Variants in CLEC4E observed in about 807,000 individuals in gnomAD.
CLEC4E encodes the protein C-type (calcium dependent, carbohydrate-recognition domain) lectin, superfamily member 9.
In CLEC4E, 21 loss-of-function variants were observed where a neutral mutation model predicts 24.7. The ratio of observed to expected loss-of-function variants is 0.85; its 90% CI spans 0.60 to 1.22. CLEC4E has a LOEUF of 1.22. Ranked by LOEUF, CLEC4E falls within the 50% of genes most tolerant of loss-of-function variation. CLEC4E has a pLI of 0.00. For synonymous variants in CLEC4E, 94 were observed against 85.7 expected (o/e 1.10, Z -0.54); for missense variants, 249 against 254.1 (o/e 0.98, Z 0.14).
rs760679045 is a variant in CLEC4E, at chr12:8,537,252, A to C, written c.235T>G (p.Cys79Gly). 1.9e-6 allele frequency: 3 copies of C among 1,613,652 alleles called. No individual in the cohort carries two copies. Among genetic ancestry groups the C allele is most frequent in the Non-Finnish European group, 2.5e-6 (3 of 1,179,636 alleles). The change falls in exon 4 of 6, where the codon TGT becomes GGT. Residue 79 changes from cysteine (C) to glycine (G), a missense_variant. Transcript: ENST00000299663. ...YNYGSGSVKN[C>G]CPLNWEYFQS... is the part of the protein sequence containing the mutation. ...AAATATTCCCAGTTCAATGGACAACAATTCTTGACTGAACCTAGGATGAGA... is the reference window on the plus strand; with the variant it reads ...AAATATTCCCAGTTCAATGGACAACCATTCTTGACTGAACCTAGGATGAGA...
Position 8,537,130 on chromosome 12 carries a change from G to T in CLEC4E, c.357C>A (p.Asn119Lys), listed in dbSNP as rs767516007. 6.2e-7 allele frequency: 1 copy of T among 1,613,182 alleles called. No individual in the cohort carries two copies. ...CTCCAGCTACCTGCTCCTCCTGTGAGTTGATAACCACCAGGTGAGCCCCCA... is the reference window on the plus strand; with the variant it reads ...CTCCAGCTACCTGCTCCTCCTGTGATTTGATAACCACCAGGTGAGCCCCCA... ...SAMGAHLVVI[N>K]SQEEQEFLSY... Residue 119 changes from asparagine to lysine, a missense_variant, in exon 4 of 6, where the codon AAC (asparagine) becomes AAA (lysine). By Grantham distance (94) the Asn-to-Lys change is moderately conservative. Transcript: ENST00000299663.
Position 8,533,761 on chromosome 12 carries a change from G to A in CLEC4E, c.*877C>T, listed in dbSNP as rs933793369. On this transcript the variant is annotated 3_prime_UTR_variant, in exon 6 of 6. Coordinates refer to ENST00000299663, the MANE Select transcript of CLEC4E (RefSeq NM_014358.4). Reference sequence around the variant, plus strand: ...ATTAGGCACTGGGCTTAATACCTGGGTGATGAAATAATCTGTACAACAAAC... The same window carrying A: ...ATTAGGCACTGGGCTTAATACCTGGATGATGAAATAATCTGTACAACAAAC... 6 of 152,154 alleles carry A rather than the reference G, an allele frequency of 3.9e-5. No individual in the cohort carries two copies. The highest frequency in any genetic ancestry group is 5.9e-5 in the Non-Finnish European group (4 of 68,030). 9.4% of individuals were successfully genotyped at this position (152,154 alleles called of 1,614,324 possible).
chr12:8,538,439 G>A (rs1176418169), intron 3 of CLEC4E, among the ~76,000 whole-genome samples: 5 of 152,204 alleles, frequency 3.3e-5, no homozygotes, highest in African/African-American at 7.2e-5. Context: ...CCTGTCCAGT[G>A]GACACGTGAC....
At chr12:8,538,675 C>A (rs1442269528) in intron 3 of CLEC4E, among the ~76,000 whole-genome samples, 1 of 152,166 alleles carries the variant, frequency 6.6e-6, no homozygotes, top group Non-Finnish European at 1.5e-5. Context: ...GACCCACCAA[C>A]CCTGTGGGGC....
rs1591723561 is a variant in CLEC4E, at chr12:8,533,382, A to T, written c.*1256T>A. On this transcript the variant is annotated 3_prime_UTR_variant, in exon 6 of 6. Coordinates refer to ENST00000299663, the MANE Select transcript of CLEC4E (RefSeq NM_014358.4). The stretch of plus-strand genomic sequence containing the variant: ...TCAGAGAAATATAAATCTTTCTACC[A>T]TAAAGACACATGCACACGAATGTTC... 6.6e-6 allele frequency: 1 copy of T among 152,248 alleles called. No homozygotes were observed. Among genetic ancestry groups the T allele is most frequent in the African/African-American group, 2.4e-5 (1 of 41,454 alleles). 9.4% of individuals were successfully genotyped at this position (152,248 alleles called of 1,614,324 possible).
At chr12:8,538,064 C>T (rs1050616283) in intron 3 of CLEC4E, among the ~76,000 whole-genome samples, 1 of 152,202 alleles carries the variant, frequency 6.6e-6, no homozygotes, top group South Asian at 2.1e-4. Flanking sequence ...TGTGGTCTAG[C>T]GGTAGCGTTA....
chr12:8,537,741 C>T (rs1173302070), intron 3 of CLEC4E, among the ~76,000 whole-genome samples: 1 of 152,108 alleles, frequency 6.6e-6, no homozygotes, highest in Non-Finnish European at 1.5e-5. Flanking sequence ...ACGAGCTGTT[C>T]CAGTATAATA....
At position 8,540,043 on chromosome 12, in the gene CLEC4E, A is replaced by G. The variant is rs771347361; in HGVS notation, c.38-96T>C. 4.8e-6 allele frequency: 4 copies of G among 824,992 alleles called. No homozygotes were observed. The African/African-American group carries it at 5.0e-5, about 10-fold the overall frequency. 51.1% of individuals were successfully genotyped at this position (824,992 alleles called of 1,614,324 possible). On this transcript the variant is annotated intron_variant, in intron 1 of 5. Transcript: ENST00000299663. ...TATTCATCCTTACTTATTTCCTTCT[A>G]CTTCCATTGTTTGTACTGAGTAATT...
At chr12:8,539,728 AG>A in intron 2 of CLEC4E, 126 bp downstream of exon 2, 1 of 674,198 alleles carries the variant, frequency 1.5e-6, no homozygotes, top group Non-Finnish European at 2.6e-6. Context: ...AGAGATTAAT[AG>A]GGAAAAAAAA....
At position 8,533,326 on chromosome 12, in the gene CLEC4E, A is replaced by G. The variant is rs1238394716; in HGVS notation, c.*1312T>C. 1 of 152,224 alleles carries G rather than the reference A, an allele frequency of 6.6e-6. No individual in the cohort carries two copies. Among genetic ancestry groups the G allele is most frequent in the Non-Finnish European group, 1.5e-5 (1 of 68,032 alleles). The allele number at this position is 152,224 out of a possible 1,614,324, so 9.4% of individuals were successfully genotyped here. A position where few individuals can be genotyped will look rare whatever the true frequency, so the allele number is the denominator to read the frequency against. Reference sequence around the variant, plus strand: ...ATCAGTATTGGTAGAATTTTATGCAATAAATGAATGGGCTATTACTGGATA... The same window carrying G: ...ATCAGTATTGGTAGAATTTTATGCAGTAAATGAATGGGCTATTACTGGATA... On this transcript the variant is annotated 3_prime_UTR_variant, in exon 6 of 6. Coordinates refer to ENST00000299663, the MANE Select transcript of CLEC4E (RefSeq NM_014358.4).
intron 3 of CLEC4E, 21 bp from the exon 4 acceptor site, chr12:8,537,287 G>A (rs1298726049): frequency 9.9e-6 from 16 of 1,608,982 alleles, no homozygotes; most frequent in Non-Finnish European, 1.4e-5. Context: ...AGATGTTTCA[G>A]TGAGTGTCCC....
intron 4 of CLEC4E, among the ~76,000 whole-genome samples, chr12:8,536,455 G>A (rs1940616257): frequency 6.6e-6 from 1 of 152,120 alleles, no homozygotes; most frequent in Admixed American, 6.5e-5. Flanking sequence ...CTACTTGGGA[G>A]GCTGAGGCAG....
At chr12:8,540,674 A>T (rs1367045774) in intron 1 of CLEC4E, 87 bp downstream of exon 1, 1 of 1,184,638 alleles carries the variant, frequency 8.4e-7, no homozygotes, top group African/African-American at 1.5e-5. Context: ...TTCAGTGAAT[A>T]CTTTTCTATT....
At position 8,534,595 on chromosome 12, in the gene CLEC4E, C is replaced by A; in HGVS notation, c.*43G>T. The A allele has an allele frequency of 6.5e-7, 1 of 1,540,432 alleles. No individual in the cohort carries two copies. Among genetic ancestry groups the A allele is most frequent in the Non-Finnish European group, 8.9e-7 (1 of 1,126,924 alleles). Reference sequence around the variant, plus strand: ...GTGGGGCGGTGGGTGTGGCCATGTTCTTGCTCTTCCTTCTTTACACATTTG... The same window carrying A: ...GTGGGGCGGTGGGTGTGGCCATGTTATTGCTCTTCCTTCTTTACACATTTG... On this transcript the variant is annotated 3_prime_UTR_variant, in exon 6 of 6. Transcript: ENST00000299663.
At position 8,534,020 on chromosome 12, in the gene CLEC4E, G is replaced by A. The variant is rs746647594; in HGVS notation, c.*618C>T. On this transcript the variant is annotated 3_prime_UTR_variant, in exon 6 of 6. Transcript: ENST00000299663. ...AGAGCAAAGGAAGCCCCAGGGATGG[G>A]TGGACTTGGTTACAGCCTGTTTGGA... is the stretch of plus-strand genomic sequence containing the variant. 2 of 152,446 alleles carry A rather than the reference G, an allele frequency of 1.3e-5. No homozygotes were observed. Among genetic ancestry groups the A allele is most frequent in the African/African-American group, 2.4e-5 (1 of 41,580 alleles). The allele number at this position is 152,446 out of a possible 1,614,324, so 9.4% of individuals were successfully genotyped here. A position where few individuals can be genotyped will look rare whatever the true frequency, so the allele number is the denominator to read the frequency against.
intron 3 of CLEC4E, among the ~76,000 whole-genome samples, chr12:8,537,948 CAA>C (rs1445680166): frequency 2.0e-5 from 3 of 152,230 alleles, no homozygotes; most frequent in African/African-American, 7.2e-5. Flanking sequence ...GACCAGAAGA[CAA>C]GAGTGCGAGC....
At chr12:8,534,921 G>A (rs1180232662) in intron 5 of CLEC4E, 112 bp from the exon 6 acceptor site, 12 of 914,160 alleles carry the variant, frequency 1.3e-5, no homozygotes, top group Admixed American at 2.9e-5. Context: ...ATTTTGCGAG[G>A]TAGGTATTAT....
intron 4 of CLEC4E, 63 bp downstream of exon 4, chr12:8,537,052 T>C: frequency 2.0e-6 from 3 of 1,500,010 alleles, no homozygotes; most frequent in Non-Finnish European, 2.7e-6. Flanking sequence ...ACTGTGCATA[T>C]GTATGAAAAG....
At chr12:8,540,666 C>T in intron 1 of CLEC4E, 95 bp downstream of exon 1, 1 of 1,109,330 alleles carries the variant, frequency 9.0e-7, no homozygotes, top group Admixed American at 1.9e-5. Context: ...TTTTTAACTT[C>T]AGTGAATACT....
Sources: gnomAD v4.1 joint callset for allele counts (sites outside exome capture counted in the v4.1 genomes callset) on GRCh38, gnomAD v4.1.1 for gene constraint, MANE v1.5 for transcripts, NCBI Gene and HGNC (gene_info 2026-07-23, HGNC 2026-07-21) for gene names.